ZNF529: variants seen among roughly 807,000 people sequenced by gnomAD.
ZNF529 encodes the protein zinc finger protein 529.
Under a neutral mutation model 10.1 loss-of-function variants are expected in ZNF529, and 11 were observed. The observed-to-expected ratio is 1.09, with a 90% CI of 0.69 to 1.81. The LOEUF is 1.81. Among genes scored for constraint, ZNF529 ranks in the 40% most tolerant of loss-of-function variants. The probability of loss-of-function intolerance (pLI) is 0.00; values close to 1 mark genes in which losing one functional copy is unlikely to be tolerated. For synonymous variants in ZNF529, 204 were observed against 215.7 expected (o/e 0.95, Z 0.47); for missense variants, 624 against 666.8 (o/e 0.94, Z 0.71).
At chr19:36,563,354 C>T (rs1250114298) in intron 2 of ZNF529, among the ~76,000 whole-genome samples, 1 of 147,966 alleles carries the variant, frequency 6.8e-6, no homozygotes, top group South Asian at 2.1e-4. Context: ...ACCCAGGAGG[C>T]GGAGGTTGCA....
intron 1 of ZNF529, among the ~76,000 whole-genome samples, chr19:36,595,985 A>G (rs2036831239): frequency 6.6e-6 from 1 of 151,558 alleles, no homozygotes; most frequent in Admixed American, 6.6e-5. Context: ...AAGGTGTGCT[A>G]AAATCTCCAA....
intron 1 of ZNF529, among the ~76,000 whole-genome samples, chr19:36,589,868 A>G: frequency 6.6e-6 from 1 of 152,216 alleles, no homozygotes. Context: ...GGCCATAAAA[A>G]AAGCATCCGT....
At chr19:36,560,113 C>G (rs1484875882) in intron 2 of ZNF529, among the ~76,000 whole-genome samples, 1 of 151,860 alleles carries the variant, frequency 6.6e-6, no homozygotes, top group Non-Finnish European at 1.5e-5. Flanking sequence ...AAAAATTAGC[C>G]GGGTGTGGTG....
intron 2 of ZNF529, among the ~76,000 whole-genome samples, chr19:36,589,372 A>G (rs2036654107): frequency 6.6e-6 from 1 of 152,180 alleles, no homozygotes; most frequent in Admixed American, 6.5e-5. Context: ...ATTGGAGGAT[A>G]CGCAGTTAGT....
intron 2 of ZNF529, among the ~76,000 whole-genome samples, 192 bp from the exon 3 acceptor site, chr19:36,556,389 A>C (rs1369667962): frequency 6.6e-6 from 1 of 152,082 alleles, no homozygotes; most frequent in East Asian, 1.9e-4. Flanking sequence ...GAAAGACTCC[A>C]CTCCAGACAG....
At chr19:36,572,231 G>C in intron 2 of ZNF529, 102 bp downstream of exon 2, 1 of 1,234,496 alleles carries the variant, frequency 8.1e-7, no homozygotes, top group Non-Finnish European at 1.2e-6. Flanking sequence ...ATGGGCATTT[G>C]GAAAGGCAAT....
chr19:36,548,327 AAG>A lies in ZNF529; in HGVS notation c.236-7_236-6del. 6.6e-7 allele frequency: 1 copy of A among 1,507,680 alleles called. No individual in the cohort carries two copies. 93.4% of individuals were successfully genotyped at this position (1,507,680 alleles called of 1,614,324 possible). A position where few individuals can be genotyped will look rare whatever the true frequency, so the allele number is the denominator to read the frequency against. On this transcript the variant is annotated splice_polypyrimidine_tract_variant and splice_region_variant and intron_variant, in intron 4 of 4. Coordinates refer to ENST00000591340, the MANE Select transcript of ZNF529 (RefSeq NM_020951.5). ...TCTCATTCCTGGACTCCAAATCTGA[AAG>A]AAAGGAAAAAATAATTTTCATGTAC...
chr19:36,571,025 T>C lies in ZNF529; in HGVS notation c.14+1308A>G, dbSNP rs376596682. Among the ~76,000 whole-genome samples, 8 of 152,326 alleles carry C rather than the reference T, an allele frequency of 5.3e-5. No individual in the cohort carries two copies. In the East Asian group the frequency reaches 9.6e-4, roughly 18 times the overall value. On this transcript the variant is annotated intron_variant, in intron 2 of 4. Coordinates refer to ENST00000591340, the MANE Select transcript of ZNF529 (RefSeq NM_020951.5). ...ACCCCTTTGAAATGCAGTGTGAACA[T>C]ATAACTGAATTTTAAATTTTTTTCA...
chr19:36,563,591 G>T (rs3108567), intron 2 of ZNF529, among the ~76,000 whole-genome samples: 49,425 of 151,832 alleles, frequency 0.33, 8,405 homozygotes, highest in South Asian at 0.42. Context: ...AACCAGGGAG[G>T]TGAAAGATCT....
At chr19:36,597,323 T>C (rs2036856869) in intron 1 of ZNF529, among the ~76,000 whole-genome samples, 1 of 152,234 alleles carries the variant, frequency 6.6e-6, no homozygotes, top group South Asian at 2.1e-4. Context: ...TCCCCCATTC[T>C]TACCTTTTAT....
At position 36,554,744 on chromosome 19, in the gene ZNF529, T is replaced by C; in HGVS notation, c.161A>G (p.Glu54Gly). The change falls in exon 4 of 5, where the codon GAA becomes GGA. Residue 54 changes from glutamate to glycine, a missense_variant. Coordinates refer to ENST00000591340, the MANE Select transcript of ZNF529 (RefSeq NM_020951.5). ...GTTCCTCTGAGCAGAATCCAGATAT[T>C]CCCATTCCTCCTGAGAGAAGTTGAT... ...VVINFSQEEW[E>G]YLDSAQRNLY... 2 of 1,577,540 alleles carry C rather than the reference T, an allele frequency of 1.3e-6. No homozygotes were observed. The highest frequency in any genetic ancestry group is 1.7e-6 in the Non-Finnish European group (2 of 1,160,796).
chr19:36,569,612 A>AAT (rs1393108160), intron 2 of ZNF529, among the ~76,000 whole-genome samples: 4 of 152,056 alleles, frequency 2.6e-5, no homozygotes, highest in African/African-American at 7.2e-5. Flanking sequence ...TAAAAAAAAA[A>AAT]AAAATTTAGC....
rs770001034 is a variant in ZNF529, at chr19:36,547,791, C to T, written c.767G>A (p.Cys256Tyr). The T allele has an allele frequency of 2.4e-5, 38 of 1,610,952 alleles. No individual in the cohort carries two copies. The highest frequency in any genetic ancestry group is 3.1e-5 in the Non-Finnish European group (37 of 1,178,802). Residue 256 changes from cysteine (C) to tyrosine (Y), a missense_variant, in exon 5 of 5, where the codon TGT (cysteine) becomes TAT (tyrosine). Physicochemically the swap from Cys to Tyr is radical, Grantham distance 194. Transcript: ENST00000591340. The stretch of plus-strand genomic sequence containing the variant: ...TTCAAAGGTCCTTCTGTATTCCTTA[C>T]ATTTATAGAACTTCTCATTATGAAT... ...QKIHNEKFYKCKEYRRTFERV... is the reference protein window; with the variant it reads ...QKIHNEKFYKYKEYRRTFERV...
At chr19:36,566,084 C>A (rs1213808193) in intron 2 of ZNF529, among the ~76,000 whole-genome samples, 1 of 152,126 alleles carries the variant, frequency 6.6e-6, no homozygotes, top group Non-Finnish European at 1.5e-5. Flanking sequence ...AAAGTTGTAG[C>A]CCTTGACTAA....
At chr19:36,559,469 C>A (rs2035599795) in intron 2 of ZNF529, among the ~76,000 whole-genome samples, 1 of 152,186 alleles carries the variant, frequency 6.6e-6, no homozygotes, top group Non-Finnish European at 1.5e-5. Flanking sequence ...GCACCATGCC[C>A]AGCTAAGTTC....
intron 4 of ZNF529, among the ~76,000 whole-genome samples, chr19:36,551,689 A>G (rs1029454462): frequency 6.6e-5 from 10 of 152,232 alleles, no homozygotes; most frequent in East Asian, 3.8e-4. Context: ...ACTGATTCCA[A>G]TGAGGACTTC....
chr19:36,561,959 G>C (rs1361689307), intron 2 of ZNF529, among the ~76,000 whole-genome samples: 1 of 152,186 alleles, frequency 6.6e-6, no homozygotes, highest in African/African-American at 2.4e-5. Flanking sequence ...GTCCTGGCCG[G>C]GTGCAGTGGC....
At chr19:36,559,775 G>A (rs2035613328) in intron 2 of ZNF529, among the ~76,000 whole-genome samples, 2 of 152,126 alleles carry the variant, frequency 1.3e-5, no homozygotes, top group African/African-American at 4.8e-5. Flanking sequence ...TAAAACAGAG[G>A]GGGGTGGTTA....
At chr19:36,586,375 G>A (rs1434944297) in intron 2 of ZNF529, among the ~76,000 whole-genome samples, 1 of 152,098 alleles carries the variant, frequency 6.6e-6, no homozygotes, top group Non-Finnish European at 1.5e-5. Flanking sequence ...GGGAGGCCGA[G>A]GCAGGTGGAT....
Sources: allele counts gnomAD v4.1 joint callset (sites outside exome capture counted in the v4.1 genomes callset), GRCh38; gene constraint gnomAD v4.1.1; transcripts MANE v1.5; gene names NCBI Gene and HGNC (gene_info 2026-07-23, HGNC 2026-07-21).